EML1: variants seen among roughly 807,000 people sequenced by gnomAD.
EML1 encodes EMAP like 1.
A neutral mutation model predicts 110.4 loss-of-function variants in EML1; 27 were observed. That is an observed-to-expected ratio of 0.24 (90% confidence interval 0.18 to 0.34). The LOEUF is 0.34. EML1 is among the 10% of genes least tolerant of loss of function. The pLI is 1.00. For synonymous variants in EML1, 344 were observed against 385.8 expected (o/e 0.89, Z 1.27); for missense variants, 741 against 1,030.9 (o/e 0.72, Z 3.85).
At chr14:99,876,939 A>G (rs1235186191) in intron 3 of EML1, among the ~76,000 whole-genome samples, 1 of 152,246 alleles carries the variant, frequency 6.6e-6, no homozygotes, top group African/African-American at 2.4e-5. Context: ...AAATGAGATA[A>G]GATCTCAAGA....
chr14:99,833,686 G>A (rs549429976), intron 1 of EML1, among the ~76,000 whole-genome samples: 5 of 152,296 alleles, frequency 3.3e-5, no homozygotes, highest in African/African-American at 1.2e-4. Context: ...TGTTTTCTGA[G>A]AGTAAAAGCA....
chr14:99,886,686 T>G (rs1294760520), intron 4 of EML1, among the ~76,000 whole-genome samples: 1 of 152,196 alleles, frequency 6.6e-6, no homozygotes, highest in Non-Finnish European at 1.5e-5. Context: ...CTTACACATG[T>G]CACCACGTGT....
At chr14:99,924,290 A>G (rs2060194409) in intron 17 of EML1, among the ~76,000 whole-genome samples, 1 of 152,214 alleles carries the variant, frequency 6.6e-6, no homozygotes, top group South Asian at 2.1e-4. Context: ...CTTATATCCT[A>G]TGACCTTTCT....
At chr14:99,818,230 T>C (rs1051505060) in intron 1 of EML1, among the ~76,000 whole-genome samples, 1 of 152,050 alleles carries the variant, frequency 6.6e-6, no homozygotes, top group Non-Finnish European at 1.5e-5. Flanking sequence ...ATCTGCACTT[T>C]GGAAGGATCA....
intron 3 of EML1, among the ~76,000 whole-genome samples, chr14:99,868,983 A>T (rs1419350854): frequency 6.6e-6 from 1 of 152,158 alleles, no homozygotes; most frequent in Non-Finnish European, 1.5e-5. Flanking sequence ...TGCCTCCTGT[A>T]AAGTTTTGGT....
At chr14:99,893,792 A>G (rs370741553) in intron 5 of EML1, among the ~76,000 whole-genome samples, 1 of 152,168 alleles carries the variant, frequency 6.6e-6, no homozygotes, top group East Asian at 1.9e-4. Flanking sequence ...GCGAGTTCTG[A>G]ATCTGAACAG....
At chr14:99,744,169 C>T (rs1202167582) in intron 1 of EML1, among the ~76,000 whole-genome samples, 3 of 152,112 alleles carry the variant, frequency 2.0e-5, no homozygotes, top group African/African-American at 2.4e-5. Context: ...AGAATGGGAT[C>T]GGGATGCTCC....
chr14:99,752,923 T>C (rs1394817951), intron 1 of EML1, among the ~76,000 whole-genome samples: 2 of 152,062 alleles, frequency 1.3e-5, no homozygotes, highest in Non-Finnish European at 2.9e-5. Context: ...AGGAAAGAAC[T>C]ATCCCAGGAA....
chr14:99,933,735 C>T (rs1022907901), intron 17 of EML1, among the ~76,000 whole-genome samples: 3 of 152,138 alleles, frequency 2.0e-5, no homozygotes, highest in South Asian at 2.1e-4. Context: ...TACGAAGATA[C>T]GAAAATTAAA....
chr14:99,877,149 G>A (rs1209565339), intron 3 of EML1, among the ~76,000 whole-genome samples: 1 of 152,122 alleles, frequency 6.6e-6, no homozygotes, highest in Non-Finnish European at 1.5e-5. Flanking sequence ...AGGTTCTGAT[G>A]AGGGCTGTCT....
upstream of EML1, among the ~76,000 whole-genome samples, chr14:99,791,785 T>C (rs1041486236): frequency 7.9e-5 from 12 of 152,148 alleles, no homozygotes; most frequent in African/African-American, 2.9e-4. Flanking sequence ...CCTCCAAGCG[T>C]TCCTCCATCT....
At chr14:99,835,917 A>G (rs530806957) in intron 1 of EML1, among the ~76,000 whole-genome samples, 95 of 152,338 alleles carry the variant, frequency 6.2e-4, no homozygotes, top group Middle Eastern at 6.8e-3. Context: ...CACCAATTAC[A>G]TGACGTCTTA....
At chr14:99,932,881 G>T (rs1163041639) in intron 17 of EML1, among the ~76,000 whole-genome samples, 1 of 152,114 alleles carries the variant, frequency 6.6e-6, no homozygotes, top group Non-Finnish European at 1.5e-5. Flanking sequence ...CACTTTGGGA[G>T]GCCAAGGATG....
intron 3 of EML1, 45 bp downstream of exon 3, chr14:99,865,691 C>T: frequency 6.3e-7 from 1 of 1,592,928 alleles, no homozygotes; most frequent in Non-Finnish European, 8.5e-7. Context: ...AAGCAGTTCT[C>T]TCTTAGATTC....
At chr14:99,761,172 G>A (rs2057310044) in intron 1 of EML1, among the ~76,000 whole-genome samples, 1 of 152,118 alleles carries the variant, frequency 6.6e-6, no homozygotes, top group Non-Finnish European at 1.5e-5. Context: ...TGAGTGACTT[G>A]GGCAGAGTCA....
chr14:99,844,455 G>A (rs2058677263), intron 1 of EML1, among the ~76,000 whole-genome samples: 1 of 145,008 alleles, frequency 6.9e-6, no homozygotes, highest in Admixed American at 7.0e-5. Flanking sequence ...CTCCAGCTTG[G>A]GCAACAGAGT....
chr14:99,857,389 T>C (rs1459002623), intron 2 of EML1, among the ~76,000 whole-genome samples: 3 of 152,234 alleles, frequency 2.0e-5, no homozygotes, highest in Admixed American at 2.0e-4. Context: ...CAGATTTCCC[T>C]AATTGTCCAA....
Position 99,917,690 on chromosome 14 carries a change from A to C in EML1, c.1753-92A>C, listed in dbSNP as rs936110129. 8.2e-6 allele frequency: 10 copies of C among 1,212,706 alleles called. No individual in the cohort carries two copies. The Admixed American group carries it at 1.7e-4, about 21-fold the overall frequency. 75.1% of individuals were successfully genotyped at this position (1,212,706 alleles called of 1,614,324 possible). On this transcript the variant is annotated intron_variant, in intron 15 of 21. Coordinates refer to ENST00000262233, the MANE Select transcript of EML1 (RefSeq NM_004434.3). Reference sequence around the variant, plus strand: ...ATAGCCCTAAGGAATTAGAAGTGTGAGCGTTTGTGTGTGCACGCACTCACG... The same window carrying C: ...ATAGCCCTAAGGAATTAGAAGTGTGCGCGTTTGTGTGTGCACGCACTCACG...
In EML1 at chr14:99,907,728, G is replaced by T; in HGVS notation, c.1099G>T (p.Val367Leu). 1 of 1,614,152 alleles carries T rather than the reference G, an allele frequency of 6.2e-7. No individual in the cohort carries two copies. Among genetic ancestry groups the T allele is most frequent in the Non-Finnish European group, 8.5e-7 (1 of 1,180,002 alleles). The change falls in exon 10 of 22, where the codon GTG becomes TTG. Residue 367 changes from valine to leucine, a missense_variant. Coordinates refer to ENST00000262233, the MANE Select transcript of EML1 (RefSeq NM_004434.3). ...GCAGAAAGAAGAAAAACTAGCAGAT[G>T]TGAAGGTCATGCTCCAAGCCTTTTT... ...DWQKEEKLAD[V>L]KCSNEAVFAA...
Sources: gnomAD v4.1 joint callset for allele counts (sites outside exome capture counted in the v4.1 genomes callset) on GRCh38, gnomAD v4.1.1 for gene constraint, MANE v1.5 for transcripts, NCBI Gene and HGNC (gene_info 2026-07-23, HGNC 2026-07-21) for gene names.